RGS12: variants seen among roughly 807,000 people sequenced by gnomAD.
RGS12 encodes regulator of G-protein signaling 12.
A neutral mutation model predicts 120.1 loss-of-function variants in RGS12; 66 were observed. That is an observed-to-expected ratio of 0.55 (90% CI 0.45 to 0.67). The LOEUF is 0.67. Among genes scored for constraint, RGS12 ranks in the 30% least tolerant of loss-of-function variants. The probability of loss-of-function intolerance (pLI) is 0.00; values close to 1 mark genes in which losing one functional copy is unlikely to be tolerated. For missense variants in RGS12, 1,859 were observed against 1,957.7 expected, an observed-to-expected ratio of 0.95 and a Z score of 0.95; for synonymous variants, 827 against 804.7, an observed-to-expected ratio of 1.03 and a Z score of -0.47.
At chr4:3,424,041 A>G (rs1453670080) in intron 13 of RGS12, among the ~76,000 whole-genome samples, 1 of 152,258 alleles carries the variant, frequency 6.6e-6, no homozygotes, top group Non-Finnish European at 1.5e-5. Context: ...GCACGGTCAC[A>G]TGGAGATGTC....
chr4:3,386,787 G>T (rs1435580992), intron 4 of RGS12, among the ~76,000 whole-genome samples: 1 of 152,244 alleles, frequency 6.6e-6, no homozygotes, highest in East Asian at 1.9e-4. Flanking sequence ...AAACCAGCAA[G>T]TTAAGATTTC....
At chr4:3,353,321 T>C (rs1714550075) in intron 3 of RGS12, among the ~76,000 whole-genome samples, 1 of 152,152 alleles carries the variant, frequency 6.6e-6, no homozygotes, top group Admixed American at 6.5e-5. Context: ...CCTAGATCAG[T>C]GTGTGCACAC....
intron 13 of RGS12, 71 bp downstream of exon 13, chr4:3,423,712 G>C: frequency 6.5e-7 from 1 of 1,546,260 alleles, no homozygotes; most frequent in Non-Finnish European, 8.7e-7. Context: ...CCTCTGTGTT[G>C]TTCACTGAAG....
At chr4:3,438,768 C>T (rs956471233) in intron 17 of RGS12, among the ~76,000 whole-genome samples, 7 of 152,022 alleles carry the variant, frequency 4.6e-5, no homozygotes, top group South Asian at 2.1e-4. Flanking sequence ...CCGGGATCTC[C>T]TGGGGCTGGA....
Position 3,431,559 on chromosome 4 carries a change from C to T in RGS12, c.4114+604C>T, listed in dbSNP as rs1724311536. On this transcript the variant is annotated intron_variant, in intron 17 of 17. Transcript: ENST00000336727. ...TGTCACGGGCATTTCTCAAAGGAAG[C>T]AGGGGATTCAGTGAGTGTGAAGGTG... 5.1e-6 allele frequency: 5 copies of T among 985,858 alleles called. No homozygotes were observed. In the South Asian group the frequency reaches 2.3e-4, roughly 46 times the overall value. 61.1% of individuals were successfully genotyped at this position (985,858 alleles called of 1,614,324 possible). A position where few individuals can be genotyped will look rare whatever the true frequency, so the allele number is the denominator to read the frequency against.
intron 4 of RGS12, among the ~76,000 whole-genome samples, chr4:3,403,383 G>A (rs1720793582): frequency 6.6e-6 from 1 of 152,176 alleles, no homozygotes; most frequent in Non-Finnish European, 1.5e-5. Flanking sequence ...GGGCTGTGAG[G>A]TCTGGCTGTG....
intron 7 of RGS12, among the ~76,000 whole-genome samples, chr4:3,416,670 T>A (rs769981267): frequency 1.3e-5 from 2 of 152,198 alleles, no homozygotes; most frequent in Non-Finnish European, 2.9e-5. Context: ...CTGTAAGTTG[T>A]CAGGATTCAC....
intron 9 of RGS12, chr4:3,418,935 C>G (rs1722702329): frequency 6.7e-6 from 1 of 148,722 alleles, no homozygotes; most frequent in Admixed American, 6.8e-5. Context: ...AATCCCAGCA[C>G]TTTGGGAGGC....
intron 2 of RGS12, among the ~76,000 whole-genome samples, chr4:3,330,329 G>A (rs550768877): frequency 1.3e-5 from 2 of 152,276 alleles, no homozygotes; most frequent in Admixed American, 6.5e-5. Context: ...AAATATCCTT[G>A]GGTTTGCCAG....
chr4:3,295,402 T>C (rs937707766), intron 1 of RGS12, among the ~76,000 whole-genome samples: 9 of 152,094 alleles, frequency 5.9e-5, no homozygotes, highest in Admixed American at 1.3e-4. Context: ...ACTTAACGCC[T>C]GTAATACCAG....
rs1183656001 is a variant in RGS12 at position 3,438,405 on chromosome 4, AC to A, written c.4115-1045del. On this transcript the variant is annotated intron_variant, in intron 17 of 17. Coordinates refer to ENST00000336727, the MANE Select transcript of RGS12 (RefSeq NM_001394154.1). ...GGTCACTGGGCGGGTCGGCAACGTC[AC>A]CCCCACCGTACAGATGGGGGGGTGG... Among the ~76,000 whole-genome samples the A allele has an allele frequency of 1.3e-3, 189 of 140,232 alleles. 3 individuals are homozygous for A. Among genetic ancestry groups the A allele is most frequent in the African/African-American group, 5.0e-3 (186 of 37,000 alleles). The allele number at this position is 140,232 out of a possible 152,430, so 92.0% of individuals were successfully genotyped here. A position where few individuals can be genotyped will look rare whatever the true frequency, so the allele number is the denominator to read the frequency against.
intron 17 of RGS12, among the ~76,000 whole-genome samples, chr4:3,432,957 C>T (rs943800879): frequency 1.3e-5 from 2 of 152,242 alleles, no homozygotes; most frequent in African/African-American, 4.8e-5. Context: ...TTGGCTCAAG[C>T]CTGCTGGGGG....
At chr4:3,298,193 G>A (rs1304201424) in intron 1 of RGS12, among the ~76,000 whole-genome samples, 1 of 152,180 alleles carries the variant, frequency 6.6e-6, no homozygotes, top group Non-Finnish European at 1.5e-5. Flanking sequence ...GCACTCCGTG[G>A]GCCCTTTCAG....
chr4:3,428,515 G>A, intron 15 of RGS12, 43 bp from the exon 16 acceptor site: 2 of 1,501,030 alleles, frequency 1.3e-6, no homozygotes. Flanking sequence ...GTATTGTCGT[G>A]TATTGAAATG....
intron 3 of RGS12, among the ~76,000 whole-genome samples, chr4:3,363,553 C>T (rs1156423265): frequency 2.6e-5 from 4 of 151,688 alleles, no homozygotes; most frequent in African/African-American, 9.7e-5. Flanking sequence ...CAGGGGTGTG[C>T]GGGTTCTGCG....
chr4:3,428,817 C>T (rs1723947656), intron 16 of RGS12, 106 bp downstream of exon 16: 4 of 991,582 alleles, frequency 4.0e-6, no homozygotes, highest in Non-Finnish European at 6.0e-6. Flanking sequence ...TGACTGCGGT[C>T]CGTCCCTGTG....
intron 3 of RGS12, among the ~76,000 whole-genome samples, chr4:3,363,563 G>A (rs1188469275): frequency 1.3e-5 from 2 of 152,126 alleles, no homozygotes; most frequent in East Asian, 1.9e-4. Flanking sequence ...CGGGTTCTGC[G>A]TGTAGGAGAA....
intron 1 of RGS12, among the ~76,000 whole-genome samples, chr4:3,302,937 G>A (rs757058337): frequency 4.6e-5 from 7 of 152,212 alleles, no homozygotes; most frequent in Non-Finnish European, 7.3e-5. Context: ...TTAACTGTCT[G>A]TGACCCCGGG....
intron 3 of RGS12, among the ~76,000 whole-genome samples, chr4:3,379,224 T>A (rs1004423215): frequency 6.6e-6 from 1 of 152,130 alleles, no homozygotes; most frequent in Non-Finnish European, 1.5e-5. Context: ...GGTGGAGAGA[T>A]GTTGGACACA....
Sources: allele counts gnomAD v4.1 joint callset (sites outside exome capture counted in the v4.1 genomes callset), GRCh38; gene constraint gnomAD v4.1.1; transcripts MANE v1.5; gene names NCBI Gene and HGNC (gene_info 2026-07-23, HGNC 2026-07-21).